ZDHHC3: variants seen among roughly 807,000 people sequenced by gnomAD.
The protein encoded by ZDHHC3 is palmitoyltransferase ZDHHC3.
In ZDHHC3, 9 loss-of-function variants were observed where a neutral mutation model predicts 30.6. The ratio of observed to expected loss-of-function variants is 0.29; its 90% confidence interval spans 0.18 to 0.51. The LOEUF is 0.51. Among genes scored for constraint, ZDHHC3 ranks in the 20% least tolerant of loss-of-function variants. The pLI, the probability that ZDHHC3 is intolerant of heterozygous loss-of-function variation, is 0.97. For synonymous variants in ZDHHC3, 136 were observed against 140.2 expected (o/e 0.97, Z 0.21); for missense variants, 246 against 384.2 (o/e 0.64, Z 3.01).
chr3:44,935,864 C>A (rs531178968), intron 3 of ZDHHC3, among the ~76,000 whole-genome samples: 1 of 152,196 alleles, frequency 6.6e-6, no homozygotes, highest in South Asian at 2.1e-4. Context: ...AAAAATCAAC[C>A]CAAAATGGAT....
Position 44,919,769 on chromosome 3 carries a change from T to G in ZDHHC3, c.*6920A>C. 2 of 603,448 alleles carry G rather than the reference T, an allele frequency of 3.3e-6. No homozygotes were observed. The highest frequency in any genetic ancestry group is 4.2e-6 in the Non-Finnish European group (2 of 481,314). 37.4% of individuals were successfully genotyped at this position (603,448 alleles called of 1,614,324 possible). A position where few individuals can be genotyped will look rare whatever the true frequency, so the allele number is the denominator to read the frequency against. ...GGTTGTATAAAATGTTTACCTTTGG[T>G]GAGACTGACTGAAAGGTACATGGGA... On this transcript the variant is annotated 3_prime_UTR_variant, in exon 7 of 7. Coordinates refer to ENST00000424952, the MANE Select transcript of ZDHHC3 (RefSeq NM_001135179.2).
chr3:44,958,708 T>C (rs1559710173), intron 2 of ZDHHC3: 1 of 1,530,798 alleles, frequency 6.5e-7, no homozygotes, highest in Non-Finnish European at 8.8e-7. Flanking sequence ...GTGGCTTTAA[T>C]TTCAAGTCCA....
At chr3:44,973,412 A>C (rs929762096) in intron 1 of ZDHHC3, among the ~76,000 whole-genome samples, 3 of 152,214 alleles carry the variant, frequency 2.0e-5, no homozygotes, top group Admixed American at 6.5e-5. Flanking sequence ...TAGGGATAAG[A>C]ATACTTGCAT....
chr3:44,932,104 C>A (rs186051034), intron 5 of ZDHHC3, among the ~76,000 whole-genome samples: 203 of 152,260 alleles, frequency 1.3e-3, no homozygotes, highest in Non-Finnish European at 2.2e-3. Flanking sequence ...ATTGGACTCC[C>A]TTGTCAAGTA....
chr3:44,926,770 G>A lies in ZDHHC3; in HGVS notation c.819C>T (p.Gly273=). The change falls in exon 7 of 7, where the codon GGC becomes GGT. Residue 273 remains glycine (G), a synonymous_variant. Coordinates refer to ENST00000424952, the MANE Select transcript of ZDHHC3 (RefSeq NM_001135179.2). ...TKWMNMKAVF[G]HPFSLGWASP... is the part of the protein sequence containing the mutation. ...TGGCCCAGCCTAGAGAGAAGGGGTG[G>A]CCAAAAACGGCTTTCATGTTCATCC... 2 of 1,613,674 alleles carry A rather than the reference G, an allele frequency of 1.2e-6. No homozygotes were observed. The highest frequency in any genetic ancestry group is 1.7e-6 in the Non-Finnish European group (2 of 1,179,912).
In ZDHHC3 at chr3:44,923,892, T is replaced by C; in HGVS notation, c.*2797A>G. On this transcript the variant is annotated 3_prime_UTR_variant, in exon 7 of 7. Coordinates refer to ENST00000424952, the MANE Select transcript of ZDHHC3 (RefSeq NM_001135179.2). ...CATGCACTTCTACCCAAATGTGTTT[T>C]GTGTACATGATATTACCAAGCCCAT... 8 of 985,496 alleles carry C rather than the reference T, an allele frequency of 8.1e-6. No individual in the cohort carries two copies. Among genetic ancestry groups the C allele is most frequent in the Non-Finnish European group, 9.6e-6 (8 of 829,942 alleles). 61.0% of individuals were successfully genotyped at this position (985,496 alleles called of 1,614,324 possible). A position where few individuals can be genotyped will look rare whatever the true frequency, so the allele number is the denominator to read the frequency against.
Position 44,934,041 on chromosome 3 carries a change from C to T in ZDHHC3, c.432-57G>A, listed in dbSNP as rs137976622. The stretch of plus-strand genomic sequence containing the variant: ...CATCCCCATGGTGTTGGGAGGGCCC[C>T]GGGGGAACGCAGAACCCATGGCTCC... On this transcript the variant is annotated intron_variant, in intron 3 of 6. Transcript: ENST00000424952. 1.2e-3 allele frequency: 1,801 copies of T among 1,536,128 alleles called. 50 individuals are homozygous for T. The East Asian group carries it at 0.034, about 29-fold the overall frequency.
chr3:44,918,069 A>G lies in ZDHHC3; in HGVS notation c.*8620T>C. The G allele has an allele frequency of 7.7e-7, 1 of 1,305,352 alleles. No individual in the cohort carries two copies. The highest frequency in any genetic ancestry group is 1.2e-5 in the South Asian group (1 of 81,024). 80.9% of individuals were successfully genotyped at this position (1,305,352 alleles called of 1,614,324 possible). A position where few individuals can be genotyped will look rare whatever the true frequency, so the allele number is the denominator to read the frequency against. ...ACCAGTTCAGGGAGAAGTCCCCACCAAAGGTCTCCTTTACTGACTGCCAGC... is the reference window on the plus strand; with the variant it reads ...ACCAGTTCAGGGAGAAGTCCCCACCGAAGGTCTCCTTTACTGACTGCCAGC... On this transcript the variant is annotated 3_prime_UTR_variant, in exon 7 of 7. Transcript: ENST00000424952.
intron 1 of ZDHHC3, among the ~76,000 whole-genome samples, chr3:44,974,730 C>G (rs1392522120): frequency 6.6e-6 from 1 of 152,184 alleles, no homozygotes; most frequent in African/African-American, 2.4e-5. Flanking sequence ...ACATAAGAAA[C>G]ATCTAATGTC....
chr3:44,943,985 A>C (rs1702674585), intron 3 of ZDHHC3, among the ~76,000 whole-genome samples: 1 of 151,940 alleles, frequency 6.6e-6, no homozygotes, highest in Admixed American at 6.6e-5. Flanking sequence ...AAATAAATAA[A>C]ATTTTTTTAG....
intron 3 of ZDHHC3, among the ~76,000 whole-genome samples, chr3:44,944,219 G>T (rs978919411): frequency 1.3e-4 from 19 of 151,622 alleles, no homozygotes; most frequent in African/African-American, 4.4e-4. Context: ...GCACAATCTC[G>T]GCTCACCGCA....
intron 2 of ZDHHC3, 133 bp from the exon 3 acceptor site, chr3:44,945,425 G>T: frequency 1.6e-6 from 2 of 1,286,010 alleles, no homozygotes; most frequent in Non-Finnish European, 2.2e-6. Flanking sequence ...CCAACAACAT[G>T]TGGACTCTGT....
intron 1 of ZDHHC3, among the ~76,000 whole-genome samples, chr3:44,962,089 G>A (rs561975109): frequency 3.3e-5 from 5 of 152,154 alleles, no homozygotes; most frequent in African/African-American, 4.8e-5. Flanking sequence ...CATCTGTGAC[G>A]GCAAAACCTC....
At chr3:44,957,481 T>C (rs755490326) in intron 2 of ZDHHC3, among the ~76,000 whole-genome samples, 1 of 152,206 alleles carries the variant, frequency 6.6e-6, no homozygotes, top group Non-Finnish European at 1.5e-5. Context: ...TGAAAATCCT[T>C]AGGGGCCCTA....
Position 44,918,444 on chromosome 3 carries a change from T to C in ZDHHC3, c.*8245A>G. 2.0e-6 allele frequency: 2 copies of C among 985,302 alleles called. No homozygotes were observed. Among genetic ancestry groups the C allele is most frequent in the Non-Finnish European group, 2.4e-6 (2 of 829,908 alleles). The allele number at this position is 985,302 out of a possible 1,614,324, so 61.0% of individuals were successfully genotyped here. On this transcript the variant is annotated 3_prime_UTR_variant, in exon 7 of 7. Transcript: ENST00000424952. ...CCCTCCCCTTCTTTCCTTCCACAAG[T>C]GCAATGCCAGATGATGGGCAGGGGC...
intron 5 of ZDHHC3, 170 bp downstream of exon 5, chr3:44,932,948 G>C (rs1346994612): frequency 1.9e-6 from 3 of 1,614,140 alleles, no homozygotes; most frequent in Admixed American, 1.7e-5. Context: ...TTCATGAAGA[G>C]AGATTCCAGT....
rs1175806912 is a variant in ZDHHC3, at chr3:44,923,067, T to C, written c.*3622A>G. 6 of 972,784 alleles carry C rather than the reference T, an allele frequency of 6.2e-6. No homozygotes were observed. The highest frequency in any genetic ancestry group is 7.2e-6 in the Non-Finnish European group (6 of 827,758). 60.3% of individuals were successfully genotyped at this position (972,784 alleles called of 1,614,324 possible). On this transcript the variant is annotated 3_prime_UTR_variant, in exon 7 of 7. Coordinates refer to ENST00000424952, the MANE Select transcript of ZDHHC3 (RefSeq NM_001135179.2). ...CTGTGTAATGCCAACCTCACATACA[T>C]GTTTAAAATGTTTGTTTTTTTTTTT...
At chr3:44,963,093 T>A (rs748237805) in intron 1 of ZDHHC3, among the ~76,000 whole-genome samples, 32 of 152,216 alleles carry the variant, frequency 2.1e-4, no homozygotes, top group Non-Finnish European at 3.8e-4. Context: ...GTCTGCTTAG[T>A]TTCAGGACTG....
chr3:44,929,642 C>A (rs1701316784), intron 5 of ZDHHC3, among the ~76,000 whole-genome samples: 1 of 152,208 alleles, frequency 6.6e-6, no homozygotes, highest in African/African-American at 2.4e-5. Context: ...GCCTCCTCAA[C>A]AGGCCAGGCC....
Sources: gnomAD v4.1 joint callset for allele counts (sites outside exome capture counted in the v4.1 genomes callset) on GRCh38, gnomAD v4.1.1 for gene constraint, MANE v1.5 for transcripts, NCBI Gene and HGNC (gene_info 2026-07-23, HGNC 2026-07-21) for gene names.